Variants in MYO5A observed in about 807,000 individuals in gnomAD.
MYO5A encodes the protein unconventional myosin-Va.
Under a neutral mutation model 249.7 loss-of-function variants are expected in MYO5A, and 98 were observed. That is an observed-to-expected ratio of 0.39 (90% CI 0.33 to 0.46). The LOEUF (loss-of-function observed/expected upper bound fraction) is 0.46. Among genes scored for constraint, MYO5A ranks in the 20% least tolerant of loss-of-function variants. The probability of loss-of-function intolerance (pLI) is 0.98; values close to 1 mark genes in which losing one functional copy is unlikely to be tolerated. For missense variants in MYO5A, 1,696 were observed against 2,308.8 expected, an observed-to-expected ratio of 0.73 and a Z score of 5.44; for synonymous variants, 778 against 810.6, an observed-to-expected ratio of 0.96 and a Z score of 0.68.
chr15:52,401,465 C>T (rs1345845720), intron 9 of MYO5A, among the ~76,000 whole-genome samples: 1 of 152,118 alleles, frequency 6.6e-6, no homozygotes, highest in African/African-American at 2.4e-5. Context: ...TAATAGTTTC[C>T]ACTCTAAGCA....
chr15:52,365,459 C>T (rs1596349383), intron 23 of MYO5A, among the ~76,000 whole-genome samples: 2 of 152,196 alleles, frequency 1.3e-5, no homozygotes, highest in East Asian at 1.9e-4. Flanking sequence ...AACCTCAAAT[C>T]TCAGCTGTAT....
intron 4 of MYO5A, among the ~76,000 whole-genome samples, chr15:52,418,565 C>T (rs1368043618): frequency 6.6e-6 from 1 of 151,954 alleles, no homozygotes; most frequent in African/African-American, 2.4e-5. Flanking sequence ...GAAAGCCTTT[C>T]CAGAGAAGGT....
At chr15:52,343,469 G>C (rs2039472966) in intron 30 of MYO5A, among the ~76,000 whole-genome samples, 1 of 152,206 alleles carries the variant, frequency 6.6e-6, no homozygotes, top group Non-Finnish European at 1.5e-5. Context: ...TGACTGGAAG[G>C]TGAGAAAGAG....
At position 52,351,212 on chromosome 15, in the gene MYO5A, C is replaced by T. The variant is rs375652014; in HGVS notation, c.3849+42G>A. 66 of 1,500,218 alleles carry T rather than the reference C, an allele frequency of 4.4e-5. No individual in the cohort carries two copies. The African/African-American group carries it at 7.1e-4, about 16-fold the overall frequency. The allele number at this position is 1,500,218 out of a possible 1,614,324, so 92.9% of individuals were successfully genotyped here. On this transcript the variant is annotated intron_variant, in intron 28 of 41. Transcript: ENST00000399233. ...GGGAAGGGATAAGAAGATATTGAGGCCAGTCCCCGAACACCCAGTTTAATT... is the reference window on the plus strand; with the variant it reads ...GGGAAGGGATAAGAAGATATTGAGGTCAGTCCCCGAACACCCAGTTTAATT...
At chr15:52,496,056 T>C (rs985419180) in intron 1 of MYO5A, among the ~76,000 whole-genome samples, 4 of 149,180 alleles carry the variant, frequency 2.7e-5, no homozygotes, top group Non-Finnish European at 4.4e-5. Context: ...ACATGTACCC[T>C]AGAACTTAAA....
At chr15:52,485,405 T>C (rs1234992460) in intron 1 of MYO5A, among the ~76,000 whole-genome samples, 1 of 152,256 alleles carries the variant, frequency 6.6e-6, no homozygotes, top group African/African-American at 2.4e-5. Flanking sequence ...CCTAGAGAGT[T>C]CAAGTTTTCC....
intron 16 of MYO5A, 102 bp from the exon 17 acceptor site, chr15:52,380,010 G>T (rs2041649900): frequency 1.8e-6 from 2 of 1,123,592 alleles, no homozygotes; most frequent in South Asian, 1.3e-5. Flanking sequence ...AGAGCAAAAT[G>T]GATAAATCAG....
intron 1 of MYO5A, among the ~76,000 whole-genome samples, chr15:52,496,472 G>T (rs1032207115): frequency 1.3e-5 from 2 of 152,190 alleles, no homozygotes; most frequent in Non-Finnish European, 2.9e-5. Context: ...TGGCTGAGGT[G>T]AAAGAGGAAG....
chr15:52,481,380 A>G (rs2076711583), intron 1 of MYO5A, among the ~76,000 whole-genome samples: 1 of 152,250 alleles, frequency 6.6e-6, no homozygotes, highest in Non-Finnish European at 1.5e-5. Flanking sequence ...AGTATTTAGT[A>G]TGTGTATATT....
rs2041352462 is a variant in MYO5A, at chr15:52,375,313, C to T, written c.2568G>A (p.Arg856=). 1.1e-5 allele frequency: 17 copies of T among 1,613,972 alleles called. No individual in the cohort carries two copies. Among genetic ancestry groups the T allele is most frequent in the Non-Finnish European group, 1.4e-5 (17 of 1,179,996 alleles). ...SYLRGFLARN[R]YRKILREHKA... ...GAAAATAATGCCTCACCTTGCGATA[C>T]CTATTTCTGGCCAAGAAGCCTCGCA... The change falls in exon 20 of 42, where the codon AGG becomes AGA. Residue 856 remains arginine, a synonymous_variant. Coordinates refer to ENST00000399233, the MANE Select transcript of MYO5A (RefSeq NM_001382347.1).
chr15:52,348,976 T>C, intron 28 of MYO5A, 150 bp from the exon 29 acceptor site: 2 of 764,394 alleles, frequency 2.6e-6, no homozygotes, highest in South Asian at 3.7e-5. Context: ...TAACTCTATA[T>C]ATACATTAAC....
chr15:52,463,707 G>C (rs901531278), intron 1 of MYO5A, among the ~76,000 whole-genome samples: 2 of 152,146 alleles, frequency 1.3e-5, no homozygotes, highest in East Asian at 3.9e-4. Context: ...TATTTGACCT[G>C]TGAATTACTT....
chr15:52,346,281 T>C, intron 30 of MYO5A, 80 bp downstream of exon 30: 1 of 861,018 alleles, frequency 1.2e-6, no homozygotes, highest in Non-Finnish European at 1.9e-6. Flanking sequence ...GTATGAACAC[T>C]TTTACTGTAC....
At chr15:52,445,767 T>C (rs1234100634) in intron 1 of MYO5A, among the ~76,000 whole-genome samples, 1 of 152,174 alleles carries the variant, frequency 6.6e-6, no homozygotes, top group Admixed American at 6.5e-5. Context: ...AGAACTTGGC[T>C]ACAATGTGGC....
chr15:52,383,898 G>GC (rs1260962687), intron 15 of MYO5A, among the ~76,000 whole-genome samples: 1 of 152,216 alleles, frequency 6.6e-6, no homozygotes, highest in Non-Finnish European at 1.5e-5. Flanking sequence ...AGAAAACTAA[G>GC]CAAAGATGGG....
At chr15:52,335,106 C>G (rs190780195) in intron 34 of MYO5A, among the ~76,000 whole-genome samples, 1 of 152,312 alleles carries the variant, frequency 6.6e-6, no homozygotes, top group Admixed American at 6.5e-5. Flanking sequence ...TTGAACCAAG[C>G]AAGAATTAGA....
chr15:52,502,426 T>A (rs2141587340), intron 1 of MYO5A, among the ~76,000 whole-genome samples: 1 of 152,338 alleles, frequency 6.6e-6, no homozygotes, highest in South Asian at 2.1e-4. Flanking sequence ...ATAAAGCTCG[T>A]AATTATTCTG....
intron 1 of MYO5A, among the ~76,000 whole-genome samples, chr15:52,491,760 A>G (rs2076940408): frequency 6.6e-6 from 1 of 152,254 alleles, no homozygotes; most frequent in Admixed American, 6.5e-5. Context: ...TGGGCTTTCA[A>G]AAACTCATAC....
chr15:52,475,490 T>C (rs928595812), intron 1 of MYO5A, among the ~76,000 whole-genome samples: 1 of 152,226 alleles, frequency 6.6e-6, no homozygotes, highest in African/African-American at 2.4e-5. Flanking sequence ...AGGGTGTCAA[T>C]TTTAGATCTT....
Sources: allele counts gnomAD v4.1 joint callset (sites outside exome capture counted in the v4.1 genomes callset), GRCh38; gene constraint gnomAD v4.1.1; transcripts MANE v1.5; gene names NCBI Gene and HGNC (gene_info 2026-07-23, HGNC 2026-07-21).